USP6NL: variants seen among roughly 807,000 people sequenced by gnomAD.
The protein encoded by USP6NL is USP6 N-terminal-like protein.
A neutral mutation model predicts 61.9 loss-of-function variants in USP6NL; 26 were observed. That is an observed-to-expected ratio of 0.42 (90% CI 0.31 to 0.58). The LOEUF (loss-of-function observed/expected upper bound fraction) is 0.58. Among genes scored for constraint, USP6NL ranks in the 20% least tolerant of loss-of-function variants. USP6NL has a pLI of 0.16. For synonymous variants in USP6NL, 432 were observed against 390.1 expected, an observed-to-expected ratio of 1.11 and a Z score of -1.27; for missense variants, 1,114 against 1,034.3, an observed-to-expected ratio of 1.08 and a Z score of -1.06.
Position 11,525,552 on chromosome 10 carries a change from G to C in USP6NL, c.73-84C>G. ...AAAATAAAAGGACGAAGAAATAAGA[G>C]CTATTTTTAATGTATTACTAAAAAT... On this transcript the variant is annotated intron_variant, in intron 3 of 14. Coordinates refer to ENST00000609104, the MANE Select transcript of USP6NL (RefSeq NM_014688.5). This position sits in a 1 kb window ranked among gnomAD's most constrained non-coding sequence, Gnocchi z 5.0. The C allele has an allele frequency of 8.3e-7, 1 of 1,205,166 alleles. No individual in the cohort carries two copies. Among genetic ancestry groups the C allele is most frequent in the Non-Finnish European group, 1.1e-6 (1 of 879,638 alleles). The allele number at this position is 1,205,166 out of a possible 1,614,324, so 74.7% of individuals were successfully genotyped here.
chr10:11,474,028 G>A lies in USP6NL; in HGVS notation c.1078+7742C>T, dbSNP rs572511224. Among the ~76,000 whole-genome samples, 9 of 152,252 alleles carry A rather than the reference G, an allele frequency of 5.9e-5. No homozygotes were observed. The South Asian group carries it at 1.7e-3, about 28-fold the overall frequency. On this transcript the variant is annotated intron_variant, in intron 14 of 14. Coordinates refer to ENST00000609104, the MANE Select transcript of USP6NL (RefSeq NM_014688.5). The surrounding 1 kb of genome is among the most constrained non-coding windows in gnomAD (Gnocchi z 4.9). Reference sequence around the variant, plus strand: ...CGAGATAATAAAGGCGGTGCCACCCGATGGAACTCACCTGGAGTTCCAGCT... The same window carrying A: ...CGAGATAATAAAGGCGGTGCCACCCAATGGAACTCACCTGGAGTTCCAGCT...
At chr10:11,473,104 G>A (rs998510577) in intron 14 of USP6NL, among the ~76,000 whole-genome samples, 17 of 152,264 alleles carry the variant, frequency 1.1e-4, no homozygotes, top group Admixed American at 4.6e-4. Flanking sequence ...AAATGGCTTC[G>A]TTTCTATGTA....
At chr10:11,606,603 TCA>T (rs890243549) in intron 1 of USP6NL, among the ~76,000 whole-genome samples, 2 of 152,182 alleles carry the variant, frequency 1.3e-5, no homozygotes, top group Non-Finnish European at 2.9e-5. Context: ...GGTGAAAGTC[TCA>T]ATATTATACT....
rs1838557734 is a variant in USP6NL at position 11,602,187 on chromosome 10, A to T, written c.-83-4470T>A. ...AGAAATTCAATGACAATGAATGAATAAACAACGAGCAACGTATTTAACGCA... is the reference window on the plus strand; with the variant it reads ...AGAAATTCAATGACAATGAATGAATTAACAACGAGCAACGTATTTAACGCA... On this transcript the variant is annotated intron_variant, in intron 1 of 14. Coordinates refer to ENST00000609104, the MANE Select transcript of USP6NL (RefSeq NM_014688.5). This position sits in a 1 kb window ranked among gnomAD's most constrained non-coding sequence, Gnocchi z 4.8. Among the ~76,000 whole-genome samples the T allele has an allele frequency of 6.6e-6, 1 of 152,236 alleles. No homozygotes were observed. The highest frequency in any genetic ancestry group is 2.1e-4 in the South Asian group (1 of 4,834).
rs548135015 is a variant in USP6NL, at chr10:11,500,728, C to G, written c.384+373G>C. Among the ~76,000 whole-genome samples the G allele has an allele frequency of 2.0e-5, 3 of 152,200 alleles. No individual in the cohort carries two copies. In the East Asian group the frequency reaches 5.8e-4, roughly 29 times the overall value. On this transcript the variant is annotated intron_variant, in intron 7 of 14. Coordinates refer to ENST00000609104, the MANE Select transcript of USP6NL (RefSeq NM_014688.5). ...ATTCTGCTGCTGTTTCCCACGAACT[C>G]TCAAAGTGATACCACAAATCTCTCC... is the stretch of plus-strand genomic sequence containing the variant.
At chr10:11,604,851 T>A (rs569134621) in intron 1 of USP6NL, among the ~76,000 whole-genome samples, 4 of 152,106 alleles carry the variant, frequency 2.6e-5, no homozygotes, top group Admixed American at 6.6e-5. Flanking sequence ...ATAAAATAAT[T>A]ATAATAATAT....
In USP6NL at chr10:11,561,121, G is replaced by A. The variant is rs1836915789; in HGVS notation, c.5-33554C>T. Among the ~76,000 whole-genome samples, 2 of 152,012 alleles carry A rather than the reference G, an allele frequency of 1.3e-5. No individual in the cohort carries two copies. Among genetic ancestry groups the A allele is most frequent in the African/African-American group, 2.4e-5 (1 of 41,384 alleles). On this transcript the variant is annotated intron_variant, in intron 2 of 14. Coordinates refer to ENST00000609104, the MANE Select transcript of USP6NL (RefSeq NM_014688.5). This position sits in a 1 kb window ranked among gnomAD's most constrained non-coding sequence, Gnocchi z 4.1. ...TTTAGTATACTCTATGTCATAGGAC[G>A]GTAAAATTACATTTTAAGTAGTTTC...
chr10:11,488,502 C>T lies in USP6NL; in HGVS notation c.664+600G>A, dbSNP rs529211669. 9.9e-4 allele frequency among the ~76,000 whole-genome samples: 151 copies of T among 152,216 alleles called. 1 individual carries two copies. Among genetic ancestry groups the T allele is most frequent in the African/African-American group, 3.4e-3 (143 of 41,542 alleles). ...ATTATAAACAGTGTTAACTTGAAAA[C>T]CAAAAAATCAGCAGGTTCTGAGATA... On this transcript the variant is annotated intron_variant, in intron 10 of 14. Coordinates refer to ENST00000609104, the MANE Select transcript of USP6NL (RefSeq NM_014688.5).
chr10:11,509,498 T>C, intron 6 of USP6NL, 97 bp downstream of exon 6: 1 of 1,184,120 alleles, frequency 8.4e-7, no homozygotes, highest in Non-Finnish European at 1.2e-6. Context: ...AAACCAAATA[T>C]GAATGTAACA....
chr10:11,467,070 C>T (rs964070830), intron 14 of USP6NL, among the ~76,000 whole-genome samples: 3 of 152,180 alleles, frequency 2.0e-5, no homozygotes, highest in Non-Finnish European at 4.4e-5. Context: ...TGGAATTTTA[C>T]ATTAATTATA....
rs1346221237 is a variant in USP6NL at position 11,493,177 on chromosome 10, G to C, written c.436C>G (p.Leu146Val). The change falls in exon 8 of 15, where the codon CTG becomes GTG. Residue 146 changes from leucine to valine, a missense_variant. Leu to Val is a conservative substitution (Grantham distance 32, BLOSUM62 1). Coordinates refer to ENST00000609104, the MANE Select transcript of USP6NL (RefSeq NM_014688.5). ...GCSPDIRQID[L>V]DVNRTFRDHI... ...TCCCGAAATGTGCGGTTGACATCCA[G>C]GTCTATTTGTCTGATGTCAGGTGAA... 1.9e-6 allele frequency: 3 copies of C among 1,612,612 alleles called. No homozygotes were observed. The South Asian group carries it at 3.3e-5, about 18-fold the overall frequency.
chr10:11,493,376 G>T (rs1833783183), intron 7 of USP6NL, 148 bp from the exon 8 acceptor site: 1 of 644,328 alleles, frequency 1.6e-6, no homozygotes, highest in Non-Finnish European at 2.6e-6. Context: ...ATACAAAAAG[G>T]TACACAATAG....
intron 1 of USP6NL, among the ~76,000 whole-genome samples, chr10:11,607,906 G>GAC (rs1342940666): frequency 4.6e-5 from 7 of 152,272 alleles, no homozygotes; most frequent in African/African-American, 1.4e-4. Context: ...ATGTCAGCAA[G>GAC]ACACAGGTGC....
At chr10:11,568,246 G>A (rs1349365667) in intron 2 of USP6NL, among the ~76,000 whole-genome samples, 1 of 151,868 alleles carries the variant, frequency 6.6e-6, no homozygotes, top group Non-Finnish European at 1.5e-5. Context: ...AATTCAAGAG[G>A]TTACCATAAA....
intron 2 of USP6NL, among the ~76,000 whole-genome samples, chr10:11,549,348 C>A (rs538256048): frequency 3.3e-5 from 5 of 152,084 alleles, no homozygotes; most frequent in African/African-American, 1.2e-4. Context: ...AAACAGCAGG[C>A]CTATCTAGTT....
chr10:11,500,968 CA>C (rs1834160111), intron 7 of USP6NL, 132 bp downstream of exon 7: 11 of 654,818 alleles, frequency 1.7e-5, no homozygotes, highest in Non-Finnish European at 2.5e-5. Flanking sequence ...AATAGACCTC[CA>C]AAACCTCCAA....
intron 1 of USP6NL, among the ~76,000 whole-genome samples, chr10:11,605,978 C>G (rs1276933608): frequency 1.3e-5 from 2 of 151,950 alleles, no homozygotes; most frequent in African/African-American, 4.8e-5. Context: ...GAGAACTTGC[C>G]AAAATTGACG....
Position 11,462,656 on chromosome 10 carries a change from G to A in USP6NL, c.2272C>T (p.Arg758Cys), listed in dbSNP as rs762229848. 1.4e-5 allele frequency: 23 copies of A among 1,613,872 alleles called. No individual in the cohort carries two copies. Among genetic ancestry groups the A allele is most frequent in the Admixed American group, 3.3e-5 (2 of 60,004 alleles). ...GCTGAGTATTTTGGTAAATTGCCAC[G>A]GCTAGCATCTCGGGTCCATGATTGT... ...QGQSWTRDAS[R>C]GNLPKYSAFQ... Residue 758 changes from arginine to cysteine, a missense_variant, in exon 15 of 15, where the codon CGT becomes TGT. Transcript: ENST00000609104.
intron 2 of USP6NL, among the ~76,000 whole-genome samples, chr10:11,588,096 C>A (rs896349013): frequency 1.3e-5 from 2 of 152,220 alleles, no homozygotes; most frequent in Non-Finnish European, 2.9e-5. Flanking sequence ...CCTCCATCAT[C>A]CATCATCTGA....
Sources: gnomAD v4.1 joint callset for allele counts (sites outside exome capture counted in the v4.1 genomes callset) on GRCh38, gnomAD v4.1.1 for gene constraint, Gnocchi (gnomAD v3.1) non-coding constraint, MANE v1.5 for transcripts, NCBI Gene and HGNC (gene_info 2026-07-23, HGNC 2026-07-21) for gene names.